Variants in OLFM3 observed in about 807,000 individuals in gnomAD.
OLFM3 encodes the protein olfactomedin 3.
Under a neutral mutation model 48.6 loss-of-function variants are expected in OLFM3, and 20 were observed. The observed-to-expected ratio is 0.41, with a 90% CI of 0.29 to 0.60. OLFM3 has a LOEUF of 0.60. Ranked by LOEUF, OLFM3 falls within the 20% of genes least tolerant of loss-of-function variation. The pLI is 0.28. For missense variants in OLFM3, 437 were observed against 544.3 expected, an observed-to-expected ratio of 0.80 and a Z score of 1.96; for synonymous variants, 222 against 198.1, an observed-to-expected ratio of 1.12 and a Z score of -1.01.
intron 1 of OLFM3, among the ~76,000 whole-genome samples, chr1:101,980,763 C>T (rs1410512036): frequency 1.3e-5 from 2 of 152,086 alleles, no homozygotes; most frequent in Non-Finnish European, 2.9e-5. Flanking sequence ...TAATTTGTGT[C>T]GAATGCCCTC....
chr1:101,896,703 G>A (rs1457531929), intron 1 of OLFM3, among the ~76,000 whole-genome samples: 2 of 146,526 alleles, frequency 1.4e-5, no homozygotes, highest in Admixed American at 6.8e-5. Context: ...TAGTAGAGAC[G>A]GGGTTTCACC....
At chr1:101,924,562 T>C (rs1659203206) in intron 1 of OLFM3, among the ~76,000 whole-genome samples, 1 of 152,174 alleles carries the variant, frequency 6.6e-6, no homozygotes, top group Non-Finnish European at 1.5e-5. Context: ...TTACAAAGGA[T>C]GTTTGCTTTC....
chr1:101,826,968 T>C (rs1654892427), intron 3 of OLFM3, among the ~76,000 whole-genome samples: 1 of 152,240 alleles, frequency 6.6e-6, no homozygotes, highest in Non-Finnish European at 1.5e-5. Context: ...GATATTTATA[T>C]TTTTTAATCT....
At chr1:101,885,868 C>T (rs1398823221) in intron 1 of OLFM3, among the ~76,000 whole-genome samples, 1 of 151,994 alleles carries the variant, frequency 6.6e-6, no homozygotes, top group Non-Finnish European at 1.5e-5. Context: ...CAACAGCAGG[C>T]TATTAGTAGT....
chr1:101,933,464 T>C (rs1659518369), intron 1 of OLFM3, among the ~76,000 whole-genome samples: 1 of 151,576 alleles, frequency 6.6e-6, no homozygotes, highest in Non-Finnish European at 1.5e-5. Context: ...TATGGAACTA[T>C]GTAACGAGAC....
At chr1:101,916,911 G>A (rs909599080) in intron 1 of OLFM3, among the ~76,000 whole-genome samples, 1 of 152,038 alleles carries the variant, frequency 6.6e-6, no homozygotes, top group African/African-American at 2.4e-5. Context: ...TTCTGAACAG[G>A]ATAAAATTAG....
chr1:101,814,427 A>G (rs1046832228), intron 4 of OLFM3, among the ~76,000 whole-genome samples: 1 of 152,196 alleles, frequency 6.6e-6, no homozygotes, highest in African/African-American at 2.4e-5. Context: ...TATCATACAG[A>G]AATAAATTTA....
At chr1:101,874,169 GA>G (rs980686016) in intron 1 of OLFM3, among the ~76,000 whole-genome samples, 1 of 151,718 alleles carries the variant, frequency 6.6e-6, no homozygotes, top group East Asian at 1.9e-4. Flanking sequence ...AGTGATTTTT[GA>G]AAAAACCTTT....
At chr1:101,941,153 C>T (rs1274411378) in intron 1 of OLFM3, among the ~76,000 whole-genome samples, 1 of 152,086 alleles carries the variant, frequency 6.6e-6, no homozygotes, top group Admixed American at 6.6e-5. Flanking sequence ...AAGCACAGGT[C>T]CCCAAGGTTT....
chr1:101,955,874 G>A (rs193216163), intron 1 of OLFM3, among the ~76,000 whole-genome samples: 1 of 151,384 alleles, frequency 6.6e-6, no homozygotes, highest in Admixed American at 6.6e-5. Flanking sequence ...GTACTTTCAT[G>A]CTTTCCCTTT....
chr1:101,887,059 A>ATCC (rs1306258072), intron 1 of OLFM3, among the ~76,000 whole-genome samples: 1 of 152,020 alleles, frequency 6.6e-6, no homozygotes, highest in Non-Finnish European at 1.5e-5. Flanking sequence ...AATTTAGACC[A>ATCC]TTTTTTCAAA....
intron 1 of OLFM3, among the ~76,000 whole-genome samples, chr1:101,925,966 A>G (rs895549101): frequency 6.6e-6 from 1 of 152,160 alleles, no homozygotes; most frequent in African/African-American, 2.4e-5. Context: ...TATATTAATC[A>G]CATTTTTAAG....
At chr1:101,849,658 C>T (rs1415105) in intron 1 of OLFM3, among the ~76,000 whole-genome samples, 38,035 of 151,942 alleles carry the variant, frequency 0.25, 6,693 homozygotes, top group African/African-American at 0.51. Flanking sequence ...TATATTCTCA[C>T]GGTTTGGGCA....
intron 1 of OLFM3, among the ~76,000 whole-genome samples, chr1:101,885,048 A>C (rs547256982): frequency 6.6e-6 from 1 of 152,036 alleles, no homozygotes; most frequent in African/African-American, 2.4e-5. Context: ...TTGTTCTTAT[A>C]GAAAAATCCA....
chr1:101,996,403 T>G (rs932856812), intron 1 of OLFM3, among the ~76,000 whole-genome samples: 24 of 152,176 alleles, frequency 1.6e-4, no homozygotes, highest in Non-Finnish European at 2.9e-5. Flanking sequence ...AATTGCATTG[T>G]TTCTACTGCA....
At chr1:101,817,667 G>T (rs200224186) in intron 4 of OLFM3, among the ~76,000 whole-genome samples, 1 of 45,260 alleles carries the variant, frequency 2.2e-5, no homozygotes, top group Non-Finnish European at 4.0e-5. Context: ...TGCACTAATA[G>T]CTCTGGATTT....
chr1:101,995,483 A>G (rs562038991), intron 1 of OLFM3, among the ~76,000 whole-genome samples: 1 of 152,292 alleles, frequency 6.6e-6, no homozygotes, highest in South Asian at 2.1e-4. Flanking sequence ...TACATCAATA[A>G]TACCAGTACA....
rs1654783941 is a variant in OLFM3, at chr1:101,824,895, T to C, written c.592+131A>G. 1.2e-5 allele frequency: 9 copies of C among 762,854 alleles called. No homozygotes were observed. The Admixed American group carries it at 2.2e-4, about 19-fold the overall frequency. 47.3% of individuals were successfully genotyped at this position (762,854 alleles called of 1,614,324 possible). ...CATGCTTAAGTCATTAGGGGACACT[T>C]CACACTTAGAAAATGGGCTCTGATT... On this transcript the variant is annotated intron_variant, in intron 4 of 5. Coordinates refer to ENST00000370103, the MANE Select transcript of OLFM3 (RefSeq NM_058170.4).
At chr1:101,933,456 T>C (rs1000810426) in intron 1 of OLFM3, among the ~76,000 whole-genome samples, 1 of 151,146 alleles carries the variant, frequency 6.6e-6, no homozygotes, top group African/African-American at 2.4e-5. Context: ...CCAAGAAATA[T>C]GGAACTATGT....
Sources: allele counts gnomAD v4.1 joint callset (sites outside exome capture counted in the v4.1 genomes callset), GRCh38; gene constraint gnomAD v4.1.1; transcripts MANE v1.5; gene names NCBI Gene and HGNC (gene_info 2026-07-23, HGNC 2026-07-21).